Variants in IRS1 observed in about 807,000 individuals in gnomAD.
IRS1 encodes the protein insulin receptor substrate 1.
IRS1 carries 34 observed loss-of-function variants against 65.6 expected under a neutral mutation model. The ratio of observed to expected loss-of-function variants is 0.52; its 90% CI spans 0.39 to 0.69. IRS1 has a LOEUF of 0.69. Ranked by LOEUF, IRS1 falls within the 30% of genes least tolerant of loss-of-function variation. The pLI, the probability that IRS1 is intolerant of heterozygous loss-of-function variation, is 0.00. For synonymous variants in IRS1, 699 were observed against 683.5 expected (o/e 1.02, Z -0.35); for missense variants, 1,641 against 1,720.2 (o/e 0.95, Z 0.81).
intron 1 of IRS1, among the ~76,000 whole-genome samples, chr2:226,750,269 A>AAAAT (rs760113451): frequency 4.0e-5 from 6 of 150,504 alleles, no homozygotes; most frequent in South Asian, 2.1e-4. Flanking sequence ...AAAAAAAAAA[A>AAAAT]AGAATCATTA....
In IRS1 at chr2:226,797,635, CG is replaced by C; in HGVS notation, c.1103del (p.Pro368ArgfsTer95). 7 of 1,588,974 alleles carry C rather than the reference CG, an allele frequency of 4.4e-6. No homozygotes were observed. Among genetic ancestry groups the C allele is most frequent in the South Asian group, 1.1e-5 (1 of 88,378 alleles). ...RHRGSARLHPPLNHSRSIPMP... is the reference protein window; with the variant it reads ...RHRGSARLHPXLNHSRSIPMP... ...TGGGGATGGAGCGGCTGTGGTTGAG[CG>C]GGGGGTGCAGCCGGGCGCTGCCCCG... On this transcript the variant is annotated frameshift_variant, in exon 1 of 2. Transcript: ENST00000305123. LOFTEE classifies it high-confidence loss of function. The surrounding 1 kb of genome is among the most constrained non-coding windows in gnomAD (Gnocchi z 8.1).
chr2:226,749,497 G>A lies in IRS1; in HGVS notation c.*22-13247C>T, dbSNP rs148079342. Among the ~76,000 whole-genome samples the A allele has an allele frequency of 4.3e-3, 661 of 152,260 alleles. 6 individuals are homozygous for A. The highest frequency in any genetic ancestry group is 0.015 in the African/African-American group (635 of 41,546). On this transcript the variant is annotated intron_variant, in intron 1 of 1. Transcript: ENST00000305123. ...TGAGCAGAGGTGGGAGGATTGCTAAGTCCTTGCTAATTTCCCACCTCTCAA... is the reference window on the plus strand; with the variant it reads ...TGAGCAGAGGTGGGAGGATTGCTAAATCCTTGCTAATTTCCCACCTCTCAA...
chr2:226,735,849 G>A lies in IRS1; in HGVS notation c.*423C>T, dbSNP rs1224741545. ...CTCTCCACCCAACGTGAACAGTTTT[G>A]TATGAAATAATTTACAATGATGCTT... On this transcript the variant is annotated 3_prime_UTR_variant, in exon 2 of 2. Transcript: ENST00000305123. 6.6e-6 allele frequency: 1 copy of A among 152,602 alleles called. No individual in the cohort carries two copies. Among genetic ancestry groups the A allele is most frequent in the Non-Finnish European group, 1.5e-5 (1 of 68,036 alleles). 9.5% of individuals were successfully genotyped at this position (152,602 alleles called of 1,614,324 possible).
Position 226,797,261 on chromosome 2 carries a change from C to T in IRS1, c.1478G>A (p.Arg493His). 1 of 1,613,484 alleles carries T rather than the reference C, an allele frequency of 6.2e-7. No individual in the cohort carries two copies. Among genetic ancestry groups the T allele is most frequent in the Non-Finnish European group, 8.5e-7 (1 of 1,179,930 alleles). Residue 493 changes from arginine (R) to histidine (H), a missense_variant, in exon 1 of 2, where the codon CGC becomes CAC. Transcript: ENST00000305123. This position sits in a 1 kb window ranked among gnomAD's most constrained non-coding sequence, Gnocchi z 8.1. Reference protein sequence around the residue: ...YILSRGGNGHRCTPGTGLGTS... With the variant: ...YILSRGGNGHHCTPGTGLGTS... ...GCCCAAGCCTGTTCCTGGGGTGCAG[C>T]GGTGGCCATTGCCACCCCGAGACAA...
intron 1 of IRS1, among the ~76,000 whole-genome samples, chr2:226,778,463 A>G (rs1939315880): frequency 6.6e-6 from 1 of 152,212 alleles, no homozygotes; most frequent in African/African-American, 2.4e-5. Flanking sequence ...CAGCAATACC[A>G]AAGTAAAAGC....
chr2:226,784,756 G>A lies in IRS1; in HGVS notation c.*21+10233C>T, dbSNP rs571043552. Among the ~76,000 whole-genome samples, 35 of 152,264 alleles carry A rather than the reference G, an allele frequency of 2.3e-4. No homozygotes were observed. The East Asian group carries it at 4.6e-3, about 20-fold the overall frequency. Reference sequence around the variant, plus strand: ...AAATGTTATCTGTTACCACATTCTCGAAAGTTTCTATTTTGTAGCAAGAGC... The same window carrying A: ...AAATGTTATCTGTTACCACATTCTCAAAAGTTTCTATTTTGTAGCAAGAGC... On this transcript the variant is annotated intron_variant, in intron 1 of 1. Coordinates refer to ENST00000305123, the MANE Select transcript of IRS1 (RefSeq NM_005544.3).
chr2:226,742,562 T>C (rs952380017), intron 1 of IRS1, among the ~76,000 whole-genome samples: 1 of 152,118 alleles, frequency 6.6e-6, no homozygotes, highest in Non-Finnish European at 1.5e-5. Context: ...GATCTTCCAG[T>C]GCGCAGGGTT....
In IRS1 at chr2:226,735,410, T is replaced by C. The variant is rs1938306705; in HGVS notation, c.*862A>G. On this transcript the variant is annotated 3_prime_UTR_variant, in exon 2 of 2. Coordinates refer to ENST00000305123, the MANE Select transcript of IRS1 (RefSeq NM_005544.3). ...ATTTTGCTTCCATTCAATTACCAAT[T>C]TTAAGCTGACATTTGAAAACACCCA... 6.6e-6 allele frequency: 1 copy of C among 152,206 alleles called. No homozygotes were observed. The highest frequency in any genetic ancestry group is 2.1e-4 in the South Asian group (1 of 4,830). 9.4% of individuals were successfully genotyped at this position (152,206 alleles called of 1,614,324 possible).
chr2:226,779,127 T>C (rs1939332728), intron 1 of IRS1, among the ~76,000 whole-genome samples: 1 of 152,194 alleles, frequency 6.6e-6, no homozygotes, highest in Non-Finnish European at 1.5e-5. Flanking sequence ...TCTACAACCA[T>C]TTGAGTCTTC....
rs1480098801 is a variant in IRS1 at position 226,796,441 on chromosome 2, T to C, written c.2298A>G (p.Ser766=). Residue 766 remains serine, a synonymous_variant, in exon 1 of 2, where the codon TCA becomes TCG. Coordinates refer to ENST00000305123, the MANE Select transcript of IRS1 (RefSeq NM_005544.3). ...PQHKPVLSYY[S]LPRSFKHTQR... Reference sequence around the variant, plus strand: ...GGGTGTGCTTAAAGGATCTTGGCAATGAGTAGTAGGAGAGGACTGGCTTGT... The same window carrying C: ...GGGTGTGCTTAAAGGATCTTGGCAACGAGTAGTAGGAGAGGACTGGCTTGT... 1 of 1,613,660 alleles carries C rather than the reference T, an allele frequency of 6.2e-7. No homozygotes were observed. Among genetic ancestry groups the C allele is most frequent in the Non-Finnish European group, 8.5e-7 (1 of 1,180,014 alleles).
rs1043152329 is a variant in IRS1 at position 226,796,602 on chromosome 2, G to A, written c.2137C>T (p.His713Tyr). Residue 713 changes from histidine (H) to tyrosine (Y), a missense_variant, in exon 1 of 2, where the codon CAC becomes TAC. By Grantham distance (83) the His-to-Tyr change is moderately conservative. This residue lies in a region of IRS1 where 1,324 missense variants were observed against 1,361.0 expected (regional missense o/e 0.97). Transcript: ENST00000305123. ...CTGCTCTCCACTGGGGGTTTGGGGT[G>A]AGGCAAGACATGAGAGTGGTGGCCC... is the stretch of plus-strand genomic sequence containing the variant. Reference protein sequence around the residue: ...VGGHHSHVLPHPKPPVESSGG... With the variant: ...VGGHHSHVLPYPKPPVESSGG... 8.7e-6 allele frequency: 14 copies of A among 1,613,924 alleles called. No individual in the cohort carries two copies. Among genetic ancestry groups the A allele is most frequent in the Non-Finnish European group, 1.1e-5 (13 of 1,179,958 alleles).
chr2:226,796,940 C>CGGA lies in IRS1; in HGVS notation c.1798_1799insTCC (p.His599_Arg600insLeu). 1 of 1,556,046 alleles carries CGGA rather than the reference C, an allele frequency of 6.4e-7. No individual in the cohort carries two copies. Among genetic ancestry groups the CGGA allele is most frequent in the Non-Finnish European group, 8.7e-7 (1 of 1,148,286 alleles). Reference sequence around the variant, plus strand: ...CGTGTGGAGGGTGGAGCTGTCTGGGCGGTGGTGCCCCCCCCGACGCTCCAA... The same window carrying CGGA: ...CGTGTGGAGGGTGGAGCTGTCTGGGCGGAGGTGGTGCCCCCCCCGACGCTCCAA... On this transcript the variant is annotated inframe_insertion, in exon 1 of 2. Transcript: ENST00000305123.
rs35699614 is a variant in IRS1 at position 226,751,274 on chromosome 2, ATTTTT to A, written c.*22-15029_*22-15025del. 2.6e-3 allele frequency among the ~76,000 whole-genome samples: 205 copies of A among 77,548 alleles called. 3 individuals carry two copies. Among genetic ancestry groups the A allele is most frequent in the South Asian group, 0.012 (25 of 2,018 alleles). The allele number at this position is 77,548 out of a possible 152,430, so 50.9% of individuals were successfully genotyped here. A position where few individuals can be genotyped will look rare whatever the true frequency, so the allele number is the denominator to read the frequency against. ...ATTCCTTAAAAGACTCCACACGGGT[ATTTTT>A]TTTTTTTTTTTTTTTTTTTTTTGAG... is the stretch of plus-strand genomic sequence containing the variant. On this transcript the variant is annotated intron_variant, in intron 1 of 1. Coordinates refer to ENST00000305123, the MANE Select transcript of IRS1 (RefSeq NM_005544.3).
chr2:226,756,651 A>G (rs112001900), intron 1 of IRS1, among the ~76,000 whole-genome samples: 81 of 152,342 alleles, frequency 5.3e-4, no homozygotes, highest in African/African-American at 1.8e-3. Flanking sequence ...AAGGAAGAAC[A>G]GAATTGTCTC....
intron 1 of IRS1, among the ~76,000 whole-genome samples, chr2:226,788,360 C>T (rs956456060): frequency 3.3e-5 from 5 of 152,112 alleles, no homozygotes; most frequent in Non-Finnish European, 7.4e-5. Context: ...AACTCTACTG[C>T]CATTATCAAT....
Position 226,795,716 on chromosome 2 carries a change from G to A in IRS1, c.3023C>T (p.Ala1008Val). 1.9e-6 allele frequency: 3 copies of A among 1,613,400 alleles called. No homozygotes were observed. Among genetic ancestry groups the A allele is most frequent in the East Asian group, 2.2e-5 (1 of 44,884 alleles). Residue 1008 changes from alanine to valine, a missense_variant, in exon 1 of 2, where the codon GCC becomes GTC. Transcript: ENST00000305123. ...RQSYVDTSPAAPVSYADMRTG... is the reference protein window; with the variant it reads ...RQSYVDTSPAVPVSYADMRTG... ...TCGCATGTCAGCATAGCTTACAGGGGCAGCTGGCGAGGTGTCCACGTAGCT... is the reference window on the plus strand; with the variant it reads ...TCGCATGTCAGCATAGCTTACAGGGACAGCTGGCGAGGTGTCCACGTAGCT...
In IRS1 at chr2:226,739,693, G is replaced by C. The variant is rs188192436; in HGVS notation, c.*22-3443C>G. 3.5e-4 allele frequency among the ~76,000 whole-genome samples: 53 copies of C among 152,324 alleles called. 1 individual carries two copies. The highest frequency in any genetic ancestry group is 1.7e-3 in the East Asian group (9 of 5,194). On this transcript the variant is annotated intron_variant, in intron 1 of 1. Transcript: ENST00000305123. ...AGGAAGTCTCCTCACTTTAGAGACA[G>C]ACCTCAACATATGCTTAATGAGACT...
rs35699614 is a variant in IRS1, at chr2:226,751,274, A to ATTTTT, written c.*22-15029_*22-15025dup. ...ATTCCTTAAAAGACTCCACACGGGTATTTTTTTTTTTTTTTTTTTTTTTTT... is the reference window on the plus strand; with the variant it reads ...ATTCCTTAAAAGACTCCACACGGGTATTTTTTTTTTTTTTTTTTTTTTTTTTTTTT... On this transcript the variant is annotated intron_variant, in intron 1 of 1. Coordinates refer to ENST00000305123, the MANE Select transcript of IRS1 (RefSeq NM_005544.3). Among the ~76,000 whole-genome samples the ATTTTT allele has an allele frequency of 2.3e-4, 18 of 77,550 alleles. 1 individual carries two copies. The highest frequency in any genetic ancestry group is 5.8e-4 in the African/African-American group (11 of 19,070). 50.9% of individuals were successfully genotyped at this position (77,550 alleles called of 152,430 possible).
intron 1 of IRS1, among the ~76,000 whole-genome samples, chr2:226,750,727 G>A (rs1337934750): frequency 6.6e-6 from 1 of 152,156 alleles, no homozygotes; most frequent in Non-Finnish European, 1.5e-5. Context: ...AGTGTCCACT[G>A]TTAAGCCATA....
Sources: gnomAD v4.1 joint callset for allele counts (sites outside exome capture counted in the v4.1 genomes callset) on GRCh38, gnomAD v4.1.1 for gene constraint, gnomAD v4.1.1 regional missense constraint, Gnocchi (gnomAD v3.1) non-coding constraint, MANE v1.5 for transcripts, NCBI Gene and HGNC (gene_info 2026-07-23, HGNC 2026-07-21) for gene names.